NOL10: variants seen among roughly 807,000 people sequenced by gnomAD.
NOL10 encodes nucleolar protein 10.
Under a neutral mutation model 103.5 loss-of-function variants are expected in NOL10, and 58 were observed. That is an observed-to-expected ratio of 0.56 (90% CI 0.45 to 0.70). NOL10 has a LOEUF of 0.70. NOL10 is among the 30% of genes least tolerant of loss of function. The probability of loss-of-function intolerance (pLI) is 0.00; values close to 1 mark genes in which losing one functional copy is unlikely to be tolerated. For synonymous variants in NOL10, 287 were observed against 282.5 expected, an observed-to-expected ratio of 1.02 and a Z score of -0.16; for missense variants, 763 against 807.3, an observed-to-expected ratio of 0.95 and a Z score of 0.67.
intron 13 of NOL10, among the ~76,000 whole-genome samples, chr2:10,637,836 T>C (rs547516613): frequency 3.9e-5 from 6 of 152,354 alleles, no homozygotes; most frequent in Admixed American, 1.3e-4. Context: ...GGGTTCTTCA[T>C]GTTTTTAACC....
chr2:10,599,409 T>C (rs1348297567), intron 17 of NOL10, among the ~76,000 whole-genome samples: 1 of 152,212 alleles, frequency 6.6e-6, no homozygotes, highest in East Asian at 1.9e-4. Flanking sequence ...AACAAGAAGA[T>C]CAGTGTGAAT....
intron 13 of NOL10, among the ~76,000 whole-genome samples, chr2:10,637,007 G>C (rs754257912): frequency 1.3e-5 from 2 of 152,048 alleles, no homozygotes; most frequent in Admixed American, 6.6e-5. Flanking sequence ...TTCAAGACCA[G>C]CCTGGCCAAC....
chr2:10,610,437 G>A (rs1676507182), intron 13 of NOL10, among the ~76,000 whole-genome samples: 1 of 152,132 alleles, frequency 6.6e-6, no homozygotes, highest in South Asian at 2.1e-4. Flanking sequence ...CAGATTCATG[G>A]CCATTAAATT....
chr2:10,613,978 T>A (rs79337955), intron 13 of NOL10, among the ~76,000 whole-genome samples: 47 of 150,686 alleles, frequency 3.1e-4, no homozygotes, highest in Non-Finnish European at 2.8e-4. Flanking sequence ...TTTTTTTTTT[T>A]AGAAGGAGTC....
intron 19 of NOL10, among the ~76,000 whole-genome samples, chr2:10,585,641 T>C (rs1432484005): frequency 6.6e-6 from 1 of 152,202 alleles, no homozygotes; most frequent in Non-Finnish European, 1.5e-5. Context: ...TGGTATCCGC[T>C]GGGGAATTGG....
At chr2:10,579,052 A>G (rs1241302099) in intron 19 of NOL10, among the ~76,000 whole-genome samples, 1 of 152,216 alleles carries the variant, frequency 6.6e-6, no homozygotes, top group Non-Finnish European at 1.5e-5. Flanking sequence ...CTGAGAGCAC[A>G]GCTCCTAAAT....
At chr2:10,591,228 G>A (rs1036479538) in intron 17 of NOL10, among the ~76,000 whole-genome samples, 2 of 152,148 alleles carry the variant, frequency 1.3e-5, no homozygotes, top group Admixed American at 1.3e-4. Context: ...AGGTAAGATC[G>A]AGTTCCTGAT....
rs1675097387 is a variant in NOL10, at chr2:10,587,102, T to TATATATAC, written c.1844+1933_1844+1940dup. On this transcript the variant is annotated intron_variant, in intron 19 of 20. Coordinates refer to ENST00000381685, the MANE Select transcript of NOL10 (RefSeq NM_024894.4). ...ACATATATATACATATATATACACATATATATACATATATATACATATATA... is the reference window on the plus strand; with the variant it reads ...ACATATATATACATATATATACACATATATATACATATATACATATATATACATATATA... 5.0e-5 allele frequency among the ~76,000 whole-genome samples: 2 copies of TATATATAC among 40,290 alleles called. 1 individual carries two copies. The highest frequency in any genetic ancestry group is 9.2e-5 in the Non-Finnish European group (2 of 21,784). 26.4% of individuals were successfully genotyped at this position (40,290 alleles called of 152,430 possible).
At position 10,600,845 on chromosome 2, in the gene NOL10, CACCTT is replaced by C. The variant is rs761070042; in HGVS notation, c.1422+3_1422+7del. On this transcript the variant is annotated splice_donor_5th_base_variant and intron_variant, in intron 17 of 20. Coordinates refer to ENST00000381685, the MANE Select transcript of NOL10 (RefSeq NM_024894.4). ...CAGAAACAATTTGCCGATACTTTTT[CACCTT>C]ACCTTAACTTTCTTTTTCCATGTAG... The C allele has an allele frequency of 2.6e-6, 4 of 1,523,192 alleles. No individual in the cohort carries two copies. The highest frequency in any genetic ancestry group is 2.5e-5 in the South Asian group (2 of 81,282). The allele number at this position is 1,523,192 out of a possible 1,614,324, so 94.4% of individuals were successfully genotyped here.
At chr2:10,650,080 A>C (rs1679356345) in intron 12 of NOL10, among the ~76,000 whole-genome samples, 2 of 152,256 alleles carry the variant, frequency 1.3e-5, no homozygotes, top group African/African-American at 4.8e-5. Context: ...CCAAATTGTC[A>C]AACATTTCTT....
chr2:10,671,726 T>C (rs1295273227), intron 5 of NOL10, 36 bp from the exon 6 acceptor site: 8 of 1,491,992 alleles, frequency 5.4e-6, no homozygotes, highest in Non-Finnish European at 4.5e-6. Flanking sequence ...TTGCTTAGGT[T>C]TCTAGTTAGG....
At chr2:10,583,724 T>A (rs1674881279) in intron 19 of NOL10, among the ~76,000 whole-genome samples, 1 of 152,230 alleles carries the variant, frequency 6.6e-6, no homozygotes, top group African/African-American at 2.4e-5. Context: ...GTCTGTCTGC[T>A]CCTCTCCACC....
At chr2:10,598,155 A>G (rs1675793045) in intron 17 of NOL10, among the ~76,000 whole-genome samples, 1 of 152,192 alleles carries the variant, frequency 6.6e-6, no homozygotes, top group South Asian at 2.1e-4. Context: ...TTCATAAAGT[A>G]TAACTCCACA....
chr2:10,649,680 A>G (rs1679334669), intron 12 of NOL10, among the ~76,000 whole-genome samples: 1 of 152,132 alleles, frequency 6.6e-6, no homozygotes, highest in African/African-American at 2.4e-5. Flanking sequence ...TATTAGTAAT[A>G]TGGACCAGGG....
At chr2:10,655,213 A>AC (rs1343536787) in intron 11 of NOL10, among the ~76,000 whole-genome samples, 3 of 152,134 alleles carry the variant, frequency 2.0e-5, no homozygotes, top group Non-Finnish European at 1.5e-5. Context: ...GCCCAAAAAA[A>AC]AAAAGAAAGA....
intron 2 of NOL10, among the ~76,000 whole-genome samples, chr2:10,682,460 C>T (rs1018831112): frequency 2.7e-5 from 4 of 149,450 alleles, no homozygotes; most frequent in African/African-American, 1.0e-4. Flanking sequence ...AGTGCAGTGG[C>T]ACAATCATGG....
intron 13 of NOL10, among the ~76,000 whole-genome samples, chr2:10,613,784 A>AAC (rs1322432753): frequency 6.6e-6 from 1 of 152,188 alleles, no homozygotes; most frequent in African/African-American, 2.4e-5. Context: ...TTTACCACCT[A>AAC]ACAACCATAT....
At chr2:10,665,946 G>A (rs1395999719) in intron 8 of NOL10, among the ~76,000 whole-genome samples, 1 of 152,102 alleles carries the variant, frequency 6.6e-6, no homozygotes, top group East Asian at 1.9e-4. Flanking sequence ...CTGGTATATT[G>A]CATAATGCTG....
intron 5 of NOL10, 55 bp from the exon 6 acceptor site, chr2:10,671,745 T>G: frequency 7.4e-7 from 1 of 1,355,002 alleles, no homozygotes. Context: ...GGTGTTTACT[T>G]CATTATCGCT....
Sources: allele counts gnomAD v4.1 joint callset (sites outside exome capture counted in the v4.1 genomes callset), GRCh38; gene constraint gnomAD v4.1.1; transcripts MANE v1.5; gene names NCBI Gene and HGNC (gene_info 2026-07-23, HGNC 2026-07-21).